CCDC85A: variants seen among roughly 807,000 people sequenced by gnomAD.
CCDC85A encodes coiled-coil domain-containing protein 85A.
Under a neutral mutation model 50.2 loss-of-function variants are expected in CCDC85A, and 38 were observed. That is an observed-to-expected ratio of 0.76 (90% CI 0.58 to 0.99). The LOEUF is 0.99. CCDC85A is among the 50% of genes least tolerant of loss of function. CCDC85A has a pLI of 0.00. For synonymous variants in CCDC85A, 366 were observed against 301.4 expected, an observed-to-expected ratio of 1.21 and a Z score of -2.22; for missense variants, 820 against 742.0, an observed-to-expected ratio of 1.11 and a Z score of -1.22.
intron 2 of CCDC85A, among the ~76,000 whole-genome samples, chr2:56,208,968 A>G (rs1360629788): frequency 2.0e-5 from 3 of 152,180 alleles, no homozygotes; most frequent in African/African-American, 7.2e-5. Flanking sequence ...TTTCTCAAGG[A>G]TATCTTCATG....
At chr2:56,298,477 T>A (rs1672055239) in intron 2 of CCDC85A, among the ~76,000 whole-genome samples, 2 of 152,178 alleles carry the variant, frequency 1.3e-5, no homozygotes. Flanking sequence ...TTTCAATGAG[T>A]ATTTAGGTCC....
intron 2 of CCDC85A, among the ~76,000 whole-genome samples, chr2:56,272,934 A>T (rs1280918164): frequency 6.8e-6 from 1 of 147,076 alleles, no homozygotes; most frequent in Non-Finnish European, 1.5e-5. Context: ...TAACATGACA[A>T]ATTGGAAAAA....
intron 2 of CCDC85A, among the ~76,000 whole-genome samples, chr2:56,244,048 A>C (rs966134007): frequency 3.9e-5 from 6 of 152,144 alleles, no homozygotes; most frequent in Admixed American, 3.9e-4. Context: ...GGTCTTGCCT[A>C]AGGCCCACTA....
chr2:56,348,102 A>G (rs918328319), intron 3 of CCDC85A, among the ~76,000 whole-genome samples: 3 of 152,178 alleles, frequency 2.0e-5, no homozygotes, highest in Admixed American at 2.0e-4. Flanking sequence ...TCACAAAGAG[A>G]CTCGACTAGA....
chr2:56,360,712 A>C (rs189035695), intron 3 of CCDC85A, among the ~76,000 whole-genome samples: 1 of 152,290 alleles, frequency 6.6e-6, no homozygotes, highest in Admixed American at 6.5e-5. Context: ...AAGAAGCTTT[A>C]GTTTGTGACA....
At chr2:56,327,118 G>C (rs139150298) in intron 2 of CCDC85A, among the ~76,000 whole-genome samples, 34 of 152,218 alleles carry the variant, frequency 2.2e-4, no homozygotes, top group African/African-American at 7.9e-4. Context: ...ACAAATGTTT[G>C]TGTAATGAAG....
intron 2 of CCDC85A, among the ~76,000 whole-genome samples, chr2:56,213,264 T>C (rs960648436): frequency 6.6e-6 from 1 of 152,016 alleles, no homozygotes; most frequent in Non-Finnish European, 1.5e-5. Flanking sequence ...TAAACAAGCT[T>C]TCAGTGTGTC....
intron 2 of CCDC85A, among the ~76,000 whole-genome samples, chr2:56,280,071 C>T (rs1202878436): frequency 6.6e-6 from 1 of 152,018 alleles, no homozygotes; most frequent in Non-Finnish European, 1.5e-5. Context: ...ACTATCCTCA[C>T]CCCCCCACCT....
chr2:56,343,706 A>C (rs1674488782), intron 3 of CCDC85A, among the ~76,000 whole-genome samples: 1 of 152,210 alleles, frequency 6.6e-6, no homozygotes, highest in Non-Finnish European at 1.5e-5. Flanking sequence ...ATGTTTTATA[A>C]CAAGAAGTTT....
intron 2 of CCDC85A, among the ~76,000 whole-genome samples, chr2:56,208,134 G>C (rs1243438809): frequency 6.6e-6 from 1 of 152,000 alleles, no homozygotes; most frequent in Non-Finnish European, 1.5e-5. Context: ...AATTTCATTA[G>C]CCCAGAAGAA....
intron 2 of CCDC85A, among the ~76,000 whole-genome samples, chr2:56,208,942 G>A (rs1321437111): frequency 6.6e-6 from 1 of 152,052 alleles, no homozygotes; most frequent in East Asian, 1.9e-4. Context: ...CTAAGGGGAA[G>A]CAGACAATCT....
rs999070422 is a variant in CCDC85A at position 56,360,330 on chromosome 2, T to G, written c.1318-12014T>G. 5.3e-5 allele frequency among the ~76,000 whole-genome samples: 8 copies of G among 152,260 alleles called. 1 individual carries two copies. Among genetic ancestry groups the G allele is most frequent in the Admixed American group, 5.2e-4 (8 of 15,298 alleles). The stretch of plus-strand genomic sequence containing the variant: ...GAAGCTAATTGATAGGCCTCTCCAT[T>G]TTAGCGTTGAGGACAAGTGACTTGC... On this transcript the variant is annotated intron_variant, in intron 3 of 5. Coordinates refer to ENST00000407595, the MANE Select transcript of CCDC85A (RefSeq NM_001080433.2).
At chr2:56,297,583 C>G (rs1573202313) in intron 2 of CCDC85A, among the ~76,000 whole-genome samples, 1 of 152,100 alleles carries the variant, frequency 6.6e-6, no homozygotes, top group Admixed American at 6.6e-5. Flanking sequence ...CAGTGCAGGG[C>G]CATGGAAAGC....
intron 2 of CCDC85A, among the ~76,000 whole-genome samples, chr2:56,282,552 G>A (rs185733108): frequency 1.8e-4 from 28 of 152,182 alleles, no homozygotes; most frequent in African/African-American, 6.3e-4. Context: ...TGTTGTTGCC[G>A]AGGTTGGAGT....
chr2:56,267,950 A>T (rs995093580), intron 2 of CCDC85A, among the ~76,000 whole-genome samples: 1 of 152,194 alleles, frequency 6.6e-6, no homozygotes, highest in African/African-American at 2.4e-5. Flanking sequence ...AATTTTTCCT[A>T]AAAAGCTATT....
At chr2:56,370,319 A>G (rs1676007869) in intron 3 of CCDC85A, among the ~76,000 whole-genome samples, 1 of 152,164 alleles carries the variant, frequency 6.6e-6, no homozygotes, top group Non-Finnish European at 1.5e-5. Flanking sequence ...CTAAGCCTTC[A>G]TTAGTGTATA....
chr2:56,341,479 A>T lies in CCDC85A; in HGVS notation c.1241-1400A>T, dbSNP rs574695687. ...TGTAACAGAAGTGTGCTCTGGAGAAAGTCTATTGCTGTGTACCTTTCACTG... is the reference window on the plus strand; with the variant it reads ...TGTAACAGAAGTGTGCTCTGGAGAATGTCTATTGCTGTGTACCTTTCACTG... On this transcript the variant is annotated intron_variant, in intron 2 of 5. Coordinates refer to ENST00000407595, the MANE Select transcript of CCDC85A (RefSeq NM_001080433.2). Among the ~76,000 whole-genome samples the T allele has an allele frequency of 2.4e-3, 370 of 152,274 alleles. 1 individual carries two copies. Among genetic ancestry groups the T allele is most frequent in the Middle Eastern group, 6.8e-3 (2 of 294 alleles).
At chr2:56,316,016 G>A (rs976921224) in intron 2 of CCDC85A, among the ~76,000 whole-genome samples, 1 of 152,096 alleles carries the variant, frequency 6.6e-6, no homozygotes, top group African/African-American at 2.4e-5. Context: ...CTGTAGGCCA[G>A]CTACACTAGG....
At chr2:56,185,983 C>G (rs1403258525) in intron 1 of CCDC85A, among the ~76,000 whole-genome samples, 2 of 152,024 alleles carry the variant, frequency 1.3e-5, no homozygotes, top group Non-Finnish European at 2.9e-5. Flanking sequence ...CCCCACATAT[C>G]AGACAGTAGA....
Sources: gnomAD v4.1 joint callset for allele counts (sites outside exome capture counted in the v4.1 genomes callset) on GRCh38, gnomAD v4.1.1 for gene constraint, MANE v1.5 for transcripts, NCBI Gene and HGNC (gene_info 2026-07-23, HGNC 2026-07-21) for gene names.